DGKD: variants seen among roughly 807,000 people sequenced by gnomAD.
DGKD encodes the protein diacylglycerol kinase delta.
In DGKD, 68 loss-of-function variants were observed where a neutral mutation model predicts 154.4. The ratio of observed to expected loss-of-function variants is 0.44; its 90% CI spans 0.36 to 0.54. The LOEUF is 0.54. Ranked by LOEUF, DGKD falls within the 20% of genes least tolerant of loss-of-function variation. The probability of loss-of-function intolerance (pLI) is 0.00; values close to 1 mark genes in which losing one functional copy is unlikely to be tolerated. For synonymous variants in DGKD, 693 were observed against 638.0 expected, an observed-to-expected ratio of 1.09 and a Z score of -1.30; for missense variants, 1,343 against 1,593.6, an observed-to-expected ratio of 0.84 and a Z score of 2.68.
chr2:233,372,321 C>T (rs1702363344), intron 1 of DGKD, among the ~76,000 whole-genome samples: 1 of 152,212 alleles, frequency 6.6e-6, no homozygotes, highest in Non-Finnish European at 1.5e-5. Context: ...TGAGCCCAGC[C>T]TCTTCTACAT....
intron 3 of DGKD, among the ~76,000 whole-genome samples, chr2:233,412,741 C>T (rs1013639750): frequency 2.6e-5 from 4 of 152,078 alleles, no homozygotes; most frequent in Non-Finnish European, 5.9e-5. Context: ...TTGTAGGTAT[C>T]CTTTATCAGT....
At chr2:233,397,784 A>T (rs1281255939) in intron 3 of DGKD, among the ~76,000 whole-genome samples, 1 of 151,480 alleles carries the variant, frequency 6.6e-6, no homozygotes, top group Non-Finnish European at 1.5e-5. Context: ...GAGAGAGTGG[A>T]GTGGAGAGTG....
intron 3 of DGKD, among the ~76,000 whole-genome samples, chr2:233,416,724 G>A (rs1179492558): frequency 1.3e-5 from 2 of 152,088 alleles, no homozygotes; most frequent in Admixed American, 6.5e-5. Context: ...TTACTACCAG[G>A]GACCTTTGGT....
intron 12 of DGKD, 164 bp from the exon 13 acceptor site, chr2:233,447,923 G>A (rs937395458): frequency 3.1e-5 from 45 of 1,457,190 alleles, no homozygotes; most frequent in African/African-American, 1.1e-4. Flanking sequence ...CCAGATTAGC[G>A]TTAGAAGTGA....
chr2:233,406,266 C>T (rs958125038), intron 3 of DGKD, among the ~76,000 whole-genome samples: 4 of 152,244 alleles, frequency 2.6e-5, no homozygotes, highest in African/African-American at 7.2e-5. Context: ...AACTTGATTA[C>T]ATCTGCAAAG....
chr2:233,441,480 G>C lies in DGKD; in HGVS notation c.1086-407G>C, dbSNP rs1017771047. ...AGGGCATGCTGGGAAGGCTGGCAGG[G>C]GCCACATGTGGATGGGGCAGGGACA... On this transcript the variant is annotated intron_variant, in intron 9 of 29. Coordinates refer to ENST00000264057, the MANE Select transcript of DGKD (RefSeq NM_152879.3). The surrounding 1 kb of genome is among the most constrained non-coding windows in gnomAD (Gnocchi z 5.6). Among the ~76,000 whole-genome samples, 1 of 152,190 alleles carries C rather than the reference G, an allele frequency of 6.6e-6. No homozygotes were observed. The highest frequency in any genetic ancestry group is 2.4e-5 in the African/African-American group (1 of 41,436).
At chr2:233,397,020 G>T (rs1340190228) in intron 3 of DGKD, among the ~76,000 whole-genome samples, 1 of 10,306 alleles carries the variant, frequency 9.7e-5, no homozygotes, top group Non-Finnish European at 2.0e-4. Flanking sequence ...GGTGGCTGGG[G>T]GGGGGGGCGC....
intron 3 of DGKD, among the ~76,000 whole-genome samples, chr2:233,396,582 T>TA (rs769284266): frequency 3.3e-5 from 5 of 152,118 alleles, no homozygotes; most frequent in Non-Finnish European, 7.3e-5. Flanking sequence ...TGGTGCCTGA[T>TA]ATGTGGAAGA....
chr2:233,409,078 CTCT>C (rs2061758112), intron 3 of DGKD: 1 of 152,164 alleles, frequency 6.6e-6, no homozygotes. Context: ...ATTGTGGTGT[CTCT>C]TCTTTAGAGT....
intron 3 of DGKD, among the ~76,000 whole-genome samples, chr2:233,398,580 A>G (rs1478147740): frequency 6.6e-6 from 1 of 152,074 alleles, no homozygotes; most frequent in Non-Finnish European, 1.5e-5. Flanking sequence ...CCCCTGATTT[A>G]TTAAACTTTG....
intron 12 of DGKD, chr2:233,447,479 C>T (rs960096107): frequency 7.1e-6 from 7 of 985,122 alleles, no homozygotes; most frequent in South Asian, 4.7e-5. Flanking sequence ...GCCTTGCAAG[C>T]GAAGACTGGT....
intron 3 of DGKD, among the ~76,000 whole-genome samples, chr2:233,396,310 T>C (rs1364221288): frequency 6.6e-6 from 1 of 152,266 alleles, no homozygotes; most frequent in Non-Finnish European, 1.5e-5. Context: ...TTTTTCCTTC[T>C]TTTCTCTTAC....
intron 1 of DGKD, among the ~76,000 whole-genome samples, chr2:233,381,578 C>A (rs1025170156): frequency 1.3e-5 from 2 of 152,300 alleles, no homozygotes; most frequent in Admixed American, 1.3e-4. Flanking sequence ...GAAAATGGCT[C>A]CTACTTGGGT....
At chr2:233,358,308 A>G (rs952414965) in intron 1 of DGKD, among the ~76,000 whole-genome samples, 2 of 152,248 alleles carry the variant, frequency 1.3e-5, no homozygotes, top group Non-Finnish European at 2.9e-5. Flanking sequence ...AAGTTTCTAG[A>G]AAGTTAACAT....
At chr2:233,447,991 T>C in intron 12 of DGKD, 96 bp from the exon 13 acceptor site, 1 of 1,578,020 alleles carries the variant, frequency 6.3e-7, no homozygotes, top group Non-Finnish European at 8.6e-7. Flanking sequence ...TTTCCCAGCT[T>C]GTGCTGGCAA....
rs55683548 is a variant in DGKD, at chr2:233,437,358, G to A, written c.820-19G>A. 0.025 allele frequency: 40,482 copies of A among 1,611,014 alleles called. 592 individuals carry two copies. Among genetic ancestry groups the A allele is most frequent in the Middle Eastern group, 0.033 (202 of 6,054 alleles). ...AAGGATGCCAGTGACCCTTGGTGACGCGGGGACTCTTGTTTCAGGTTCACA... is the reference window on the plus strand; with the variant it reads ...AAGGATGCCAGTGACCCTTGGTGACACGGGGACTCTTGTTTCAGGTTCACA... On this transcript the variant is annotated intron_variant, in intron 7 of 29. Transcript: ENST00000264057.
At chr2:233,416,176 T>C (rs761877442) in intron 3 of DGKD, among the ~76,000 whole-genome samples, 2 of 152,216 alleles carry the variant, frequency 1.3e-5, no homozygotes, top group Non-Finnish European at 2.9e-5. Context: ...ACATAAAATT[T>C]AGCATCTTAA....
At chr2:233,420,398 A>G (rs2062077256) in intron 3 of DGKD, among the ~76,000 whole-genome samples, 1 of 152,036 alleles carries the variant, frequency 6.6e-6, no homozygotes, top group Admixed American at 6.5e-5. Flanking sequence ...GACTGCTTCC[A>G]GCCTGAGAAA....
intron 3 of DGKD, among the ~76,000 whole-genome samples, chr2:233,407,550 G>C (rs1430214472): frequency 1.3e-5 from 2 of 152,194 alleles, no homozygotes; most frequent in Admixed American, 6.5e-5. Context: ...AGAATCACTT[G>C]AGGCTAGGAG....
Sources: allele counts gnomAD v4.1 joint callset (sites outside exome capture counted in the v4.1 genomes callset), GRCh38; gene constraint gnomAD v4.1.1; non-coding constraint Gnocchi (gnomAD v3.1); transcripts MANE v1.5; gene names NCBI Gene and HGNC (gene_info 2026-07-23, HGNC 2026-07-21).